IL16: variants seen among roughly 807,000 people sequenced by gnomAD.
IL16 encodes the protein pro-interleukin-16.
Under a neutral mutation model 110.1 loss-of-function variants are expected in IL16, and 67 were observed. That is an observed-to-expected ratio of 0.61 (90% CI 0.50 to 0.75). The LOEUF (loss-of-function observed/expected upper bound fraction) is 0.75. IL16 is among the 30% of genes least tolerant of loss of function. The pLI is 0.00. For synonymous variants in IL16, 689 were observed against 662.9 expected (o/e 1.04, Z -0.61); for missense variants, 1,545 against 1,655.0 (o/e 0.93, Z 1.15).
intron 1 of IL16, among the ~76,000 whole-genome samples, chr15:81,224,873 G>A (rs1186117856): frequency 7.9e-5 from 12 of 152,124 alleles, no homozygotes; most frequent in Admixed American, 2.6e-4. Context: ...CCCATCTTTG[G>A]TCTGCTCTAT....
chr15:81,299,189 G>A, intron 13 of IL16, 191 bp from the exon 14 acceptor site: 1 of 848,692 alleles, frequency 1.2e-6, no homozygotes, highest in Non-Finnish European at 2.0e-6. Context: ...CCTACTTCTG[G>A]TCCTTCACTC....
chr15:81,283,357 A>C (rs989714688), intron 9 of IL16, among the ~76,000 whole-genome samples: 20 of 150,574 alleles, frequency 1.3e-4, no homozygotes, highest in African/African-American at 4.9e-4. Flanking sequence ...CAAAAAAAAA[A>C]CCCCAAAAAC....
At chr15:81,275,364 GGGGA>G (rs1379062046) in intron 6 of IL16, among the ~76,000 whole-genome samples, 92 of 62,758 alleles carry the variant, frequency 1.5e-3, no homozygotes, top group African/African-American at 4.9e-3. Flanking sequence ...GGAGGAGGGG[GGGGA>G]GGGGAGGGGA....
chr15:81,266,325 G>T (rs780023649), intron 4 of IL16, among the ~76,000 whole-genome samples: 2 of 152,194 alleles, frequency 1.3e-5, no homozygotes, highest in Non-Finnish European at 2.9e-5. Flanking sequence ...CTTAAAACAA[G>T]CTTAGAAAGG....
At chr15:81,282,971 A>C (rs975630880) in intron 9 of IL16, among the ~76,000 whole-genome samples, 2 of 152,142 alleles carry the variant, frequency 1.3e-5, no homozygotes, top group Non-Finnish European at 2.9e-5. Context: ...TGGGAGATGC[A>C]TTTGCAATCT....
intron 2 of IL16, among the ~76,000 whole-genome samples, chr15:81,247,850 T>A (rs1897621923): frequency 6.6e-6 from 1 of 152,214 alleles, no homozygotes; most frequent in South Asian, 2.1e-4. Flanking sequence ...TTATAATTAA[T>A]TGTGGTGTTG....
At chr15:81,207,669 T>A (rs1461826054) in intron 1 of IL16, among the ~76,000 whole-genome samples, 1 of 152,202 alleles carries the variant, frequency 6.6e-6, no homozygotes, top group East Asian at 1.9e-4. Context: ...GTGTGGTCTC[T>A]AGCTCCATCC....
rs1325858247 is a variant in IL16 at position 81,270,820 on chromosome 15, G to T, written c.675+1172G>T. Among the ~76,000 whole-genome samples, 4 of 152,126 alleles carry T rather than the reference G, an allele frequency of 2.6e-5. No homozygotes were observed. In the South Asian group the frequency reaches 6.2e-4, roughly 24 times the overall value. ...AATGAGTAATCTTTATGAGGCCGGGGGGTGGAAGAAGATGAATCATTTGAT... is the reference window on the plus strand; with the variant it reads ...AATGAGTAATCTTTATGAGGCCGGGTGGTGGAAGAAGATGAATCATTTGAT... On this transcript the variant is annotated intron_variant, in intron 5 of 18. Coordinates refer to ENST00000683961, the MANE Select transcript of IL16 (RefSeq NM_172217.5).
rs1019392646 is a variant in IL16, at chr15:81,311,314, T to C, written c.*2516T>C. 2.6e-5 allele frequency: 4 copies of C among 152,248 alleles called. No individual in the cohort carries two copies. The highest frequency in any genetic ancestry group is 1.3e-4 in the Admixed American group (2 of 15,290). The allele number at this position is 152,248 out of a possible 1,614,324, so 9.4% of individuals were successfully genotyped here. On this transcript the variant is annotated 3_prime_UTR_variant, in exon 19 of 19. Transcript: ENST00000683961. ...TTACTGATTCATACATTATCTCACT[T>C]GTGCCAACACTCAAGAAGCAGGCTA... is the stretch of plus-strand genomic sequence containing the variant.
chr15:81,300,368 T>C lies in IL16; in HGVS notation c.3042T>C (p.Thr1014=), dbSNP rs200652154. ...CATCTTCTATCTCCTGTGCCCAGAC[T>C]CCCTGCATCCCCAAGGAAGGGGCAT... The part of the protein sequence containing the change: ...CLPSSISCAQ[T]PCIPKEGASP... The change falls in exon 14 of 19, where the codon ACT becomes ACC. Residue 1014 remains threonine (T), a synonymous_variant. Transcript: ENST00000683961. 6.2e-6 allele frequency: 10 copies of C among 1,614,134 alleles called. No individual in the cohort carries two copies. In the Admixed American group the frequency reaches 1.0e-4, roughly 16 times the overall value.
intron 2 of IL16, among the ~76,000 whole-genome samples, chr15:81,233,459 C>CTCTGTG (rs368371605): frequency 7.0e-6 from 1 of 143,370 alleles, no homozygotes; most frequent in African/African-American, 2.5e-5. Context: ...TCTTCTCTTT[C>CTCTGTG]TGTGTGTGTG....
Position 81,282,759 on chromosome 15 carries a change from A to G in IL16, c.1199+3A>G, listed in dbSNP as rs371355475. ...GCGCACCTGGACGGACGTCTCCGGT[A>G]TGTCCTCACTTCTGTTTCTGAATAT... On this transcript the variant is annotated splice_donor_region_variant and intron_variant, in intron 9 of 18. Transcript: ENST00000683961. 8 of 1,594,846 alleles carry G rather than the reference A, an allele frequency of 5.0e-6. No homozygotes were observed. Among genetic ancestry groups the G allele is most frequent in the Non-Finnish European group, 6.9e-6 (8 of 1,162,638 alleles).
rs1352547674 is a variant in IL16, at chr15:81,306,497, G to A, written c.3757G>A (p.Gly1253Ser). The A allele has an allele frequency of 1.9e-6, 3 of 1,613,288 alleles. No individual in the cohort carries two copies. The highest frequency in any genetic ancestry group is 4.5e-5 in the East Asian group (2 of 44,810). Reference sequence around the variant, plus strand: ...GGGCTTCAGCCTGGAAGGAGGGAAGGGCTCCCTACACGGAGACAAGCCTCT... The same window carrying A: ...GGGCTTCAGCCTGGAAGGAGGGAAGAGCTCCCTACACGGAGACAAGCCTCT... ...GLGFSLEGGK[G>S]SLHGDKPLTI... The change falls in exon 18 of 19, where the codon GGC (glycine) becomes AGC (serine). Residue 1253 changes from glycine (G) to serine (S), a missense_variant. Physicochemically the swap from Gly to Ser is moderately conservative, Grantham distance 56 (BLOSUM62 0). Coordinates refer to ENST00000683961, the MANE Select transcript of IL16 (RefSeq NM_172217.5).
chr15:81,307,924 G>C (rs1169073329), intron 18 of IL16, among the ~76,000 whole-genome samples: 2 of 152,108 alleles, frequency 1.3e-5, no homozygotes, highest in Non-Finnish European at 2.9e-5. Flanking sequence ...TAAAATAATT[G>C]CCCAATACAC....
chr15:81,287,774 T>C (rs1336223036), intron 10 of IL16, among the ~76,000 whole-genome samples: 1 of 152,164 alleles, frequency 6.6e-6, no homozygotes, highest in African/African-American at 2.4e-5. Context: ...TATATAATGG[T>C]GTGGTGGAAT....
intron 12 of IL16, among the ~76,000 whole-genome samples, chr15:81,296,189 A>G (rs1899975262): frequency 6.6e-6 from 1 of 152,190 alleles, no homozygotes; most frequent in African/African-American, 2.4e-5. Flanking sequence ...TCTGGGATGG[A>G]ACTGGTCTCT....
At chr15:81,256,551 T>TC (rs1897954462) in intron 2 of IL16, among the ~76,000 whole-genome samples, 1 of 152,068 alleles carries the variant, frequency 6.6e-6, no homozygotes, top group Non-Finnish European at 1.5e-5. Context: ...GCCAGGGTGG[T>TC]CTTGAACTCC....
At chr15:81,246,178 C>G (rs949457076) in intron 2 of IL16, among the ~76,000 whole-genome samples, 3 of 152,084 alleles carry the variant, frequency 2.0e-5, no homozygotes, top group African/African-American at 7.2e-5. Flanking sequence ...GGTTTTAACT[C>G]TTTCCGCAAA....
At chr15:81,278,765 G>A (rs1899028732) in intron 6 of IL16, 52 bp from the exon 7 acceptor site, 2 of 1,176,400 alleles carry the variant, frequency 1.7e-6, no homozygotes. Flanking sequence ...TAATGATAAT[G>A]CCCTTTGATT....
Sources: allele counts gnomAD v4.1 joint callset (sites outside exome capture counted in the v4.1 genomes callset), GRCh38; gene constraint gnomAD v4.1.1; transcripts MANE v1.5; gene names NCBI Gene and HGNC (gene_info 2026-07-23, HGNC 2026-07-21).